LIFR: variants seen among roughly 807,000 people sequenced by gnomAD.
LIFR encodes leukemia inhibitory factor receptor.
A neutral mutation model predicts 122.2 loss-of-function variants in LIFR; 84 were observed. The ratio of observed to expected loss-of-function variants is 0.69; its 90% CI spans 0.58 to 0.82. The LOEUF (loss-of-function observed/expected upper bound fraction) is 0.82. Among genes scored for constraint, LIFR ranks in the 40% least tolerant of loss-of-function variants. LIFR has a pLI of 0.00. For synonymous variants in LIFR, 422 were observed against 434.7 expected (o/e 0.97, Z 0.36); for missense variants, 1,294 against 1,311.6 (o/e 0.99, Z 0.21).
At chr5:38,595,857 C>G (rs924675108), upstream of LIFR, among the ~76,000 whole-genome samples, 2 of 118,022 alleles carry the variant, frequency 1.7e-5, no homozygotes, top group East Asian at 2.8e-4. Flanking sequence ...CTCAGCCTCC[C>G]GAGTAGCTGG....
intron 12 of LIFR, among the ~76,000 whole-genome samples, chr5:38,496,855 T>C (rs535951849): frequency 6.6e-6 from 1 of 152,148 alleles, no homozygotes; most frequent in Non-Finnish European, 1.5e-5. Flanking sequence ...TGAGCGCCTG[T>C]AATCCCAGCT....
upstream of LIFR, among the ~76,000 whole-genome samples, chr5:38,598,277 C>T (rs1265031216): frequency 1.8e-5 from 2 of 110,158 alleles, no homozygotes; most frequent in East Asian, 3.0e-4. Context: ...GAGGGAGTCT[C>T]GCTGTGTCGC....
rs1482557470 is a variant in LIFR at position 38,493,718 on chromosome 5, G to A, written c.1953C>T (p.Pro651=). The part of the protein sequence containing the change: ...KGILLTWHYD[P]NMTCDYVIKW... ...TAATGACGTAGTCGCAAGTCATGTTGGGGTCGTAATGCCAGGTGAGGAGAA... is the reference window on the plus strand; with the variant it reads ...TAATGACGTAGTCGCAAGTCATGTTAGGGTCGTAATGCCAGGTGAGGAGAA... The change falls in exon 14 of 20, where the codon CCC becomes CCT. Residue 651 remains proline, a synonymous_variant. Transcript: ENST00000453190. The A allele has an allele frequency of 1.2e-6, 2 of 1,614,094 alleles. No individual in the cohort carries two copies. Among genetic ancestry groups the A allele is most frequent in the Non-Finnish European group, 1.7e-6 (2 of 1,179,986 alleles).
At chr5:38,497,093 C>T (rs556309385) in intron 12 of LIFR, among the ~76,000 whole-genome samples, 18 of 152,278 alleles carry the variant, frequency 1.2e-4, no homozygotes, top group South Asian at 2.1e-4. Context: ...GTCAGCAGTT[C>T]GAGACCAGCC....
At chr5:38,501,085 T>C (rs934980003) in intron 11 of LIFR, among the ~76,000 whole-genome samples, 2 of 152,148 alleles carry the variant, frequency 1.3e-5, no homozygotes, top group Non-Finnish European at 2.9e-5. Context: ...TGCAGCCTCA[T>C]GAAAGACTCC....
chr5:38,483,765 G>T (rs57728811), intron 18 of LIFR, among the ~76,000 whole-genome samples: 1 of 152,142 alleles, frequency 6.6e-6, no homozygotes, highest in African/African-American at 2.4e-5. Flanking sequence ...TTGGTAATGA[G>T]AATATGGTTA....
Position 38,523,472 on chromosome 5 carries a change from C to A in LIFR, c.508G>T (p.Val170Phe). Reference protein sequence around the residue: ...RGSVFPHRSNVIWEIKVLRKE... With the variant: ...RGSVFPHRSNFIWEIKVLRKE... ...CGTAGAACTTTAATTTCCCAGATAA[C>A]ATTTGAGCGGTGTGGAAAAACTGAA... Residue 170 changes from valine to phenylalanine, a missense_variant, in exon 5 of 20, where the codon GTT becomes TTT. Val to Phe is a conservative substitution (Grantham distance 50). Transcript: ENST00000453190. 3 of 1,613,526 alleles carry A rather than the reference C, an allele frequency of 1.9e-6. No homozygotes were observed. The highest frequency in any genetic ancestry group is 2.5e-6 in the Non-Finnish European group (3 of 1,179,754).
chr5:38,596,501 G>A (rs900239692), upstream of LIFR, among the ~76,000 whole-genome samples: 37 of 152,222 alleles, frequency 2.4e-4, no homozygotes, highest in African/African-American at 7.5e-4. Context: ...TGGGGCTTGA[G>A]AAGTTACATT....
At chr5:38,508,186 G>T (rs940030365) in intron 7 of LIFR, among the ~76,000 whole-genome samples, 1 of 152,122 alleles carries the variant, frequency 6.6e-6, no homozygotes, top group African/African-American at 2.4e-5. Flanking sequence ...TCTTTTCAAA[G>T]AAATTAACTT....
chr5:38,527,142 T>C lies in LIFR; in HGVS notation c.397+13A>G. The C allele has an allele frequency of 6.3e-7, 1 of 1,582,130 alleles. No individual in the cohort carries two copies. The highest frequency in any genetic ancestry group is 8.6e-7 in the Non-Finnish European group (1 of 1,156,668). On this transcript the variant is annotated intron_variant, in intron 4 of 19. Transcript: ENST00000453190. ...GACTTACTTTAAAATTGAGTTTGTT[T>C]TCAAATACTTACAAACGTTTTGTTC...
intron 1 of LIFR, among the ~76,000 whole-genome samples, chr5:38,561,902 C>G (rs183255228): frequency 5.8e-4 from 88 of 152,284 alleles, no homozygotes; most frequent in African/African-American, 2.1e-3. Context: ...ATTTGAAGAA[C>G]ATGAAGTAAG....
At position 38,496,328 on chromosome 5, in the gene LIFR, C is replaced by T. The variant is rs2112429483; in HGVS notation, c.1885+54G>A. The T allele has an allele frequency of 9.7e-6, 13 of 1,341,314 alleles. No homozygotes were observed. In the South Asian group the frequency reaches 1.3e-4, roughly 13 times the overall value. The allele number at this position is 1,341,314 out of a possible 1,614,324, so 83.1% of individuals were successfully genotyped here. On this transcript the variant is annotated intron_variant, in intron 13 of 19. Coordinates refer to ENST00000453190, the MANE Select transcript of LIFR (RefSeq NM_001127671.2). Reference sequence around the variant, plus strand: ...TGACAAAAGAGCAAGTAACATCAGACATTTCTCACTTTAGTTTCCCGTTCT... The same window carrying T: ...TGACAAAAGAGCAAGTAACATCAGATATTTCTCACTTTAGTTTCCCGTTCT...
chr5:38,524,661 G>GT (rs1746580953), intron 4 of LIFR, among the ~76,000 whole-genome samples: 1 of 152,194 alleles, frequency 6.6e-6, no homozygotes, highest in East Asian at 1.9e-4. Flanking sequence ...CTATGGATGA[G>GT]TAAGGGTCAG....
At chr5:38,517,286 A>C (rs1746134401) in intron 5 of LIFR, among the ~76,000 whole-genome samples, 1 of 152,188 alleles carries the variant, frequency 6.6e-6, no homozygotes, top group South Asian at 2.1e-4. Context: ...TTTGTTTAGC[A>C]GCTTTACAGA....
At chr5:38,507,219 C>CTAGAAAAAT (rs1467873660) in intron 7 of LIFR, among the ~76,000 whole-genome samples, 1 of 151,410 alleles carries the variant, frequency 6.6e-6, no homozygotes, top group Non-Finnish European at 1.5e-5. Context: ...TAAGGCAGGA[C>CTAGAAAAAT]TAGAAAAATT....
rs762664744 is a variant in LIFR at position 38,502,665 on chromosome 5, ATTGCTCCAT to A, written c.1563_1571del (p.Lys521_Ser523del). On this transcript the variant is annotated inframe_deletion, in exon 11 of 20. Coordinates refer to ENST00000453190, the MANE Select transcript of LIFR (RefSeq NM_001127671.2). ...CTTCTGTTGTTAAATGTTGTTTTTT[ATTGCTCCAT>A]TTGCTCCATTTCCAGAAAGTTTCAG... 3 of 1,613,478 alleles carry A rather than the reference ATTGCTCCAT, an allele frequency of 1.9e-6. No homozygotes were observed. Among genetic ancestry groups the A allele is most frequent in the Admixed American group, 3.3e-5 (2 of 60,010 alleles).
intron 1 of LIFR, among the ~76,000 whole-genome samples, chr5:38,541,495 G>A (rs1294254108): frequency 6.6e-6 from 1 of 152,206 alleles, no homozygotes; most frequent in Non-Finnish European, 1.5e-5. Flanking sequence ...CATGAAAGAT[G>A]AGTATTAGCA....
At chr5:38,575,908 C>T (rs894807739) in intron 1 of LIFR, among the ~76,000 whole-genome samples, 24 of 152,234 alleles carry the variant, frequency 1.6e-4, no homozygotes, top group African/African-American at 5.3e-4. Context: ...GAATGGTAGG[C>T]CTGGAAAGGA....
At chr5:38,552,799 T>C (rs970100514) in intron 1 of LIFR, among the ~76,000 whole-genome samples, 7 of 152,216 alleles carry the variant, frequency 4.6e-5, no homozygotes, top group African/African-American at 1.2e-4. Flanking sequence ...GCTGGAAAAC[T>C]AAAAGACTCC....
Sources: allele counts gnomAD v4.1 joint callset (sites outside exome capture counted in the v4.1 genomes callset), GRCh38; gene constraint gnomAD v4.1.1; transcripts MANE v1.5; gene names NCBI Gene and HGNC (gene_info 2026-07-23, HGNC 2026-07-21).